The following PCCA variants were observed in gnomAD, a reference collection of about 807,000 sequenced individuals.
The protein encoded by PCCA is propionyl-CoA carboxylase subunit alpha.
A neutral mutation model predicts 101.3 loss-of-function variants in PCCA; 74 were observed. That is an observed-to-expected ratio of 0.73 (90% CI 0.61 to 0.89). The LOEUF is 0.89. Among genes scored for constraint, PCCA ranks in the 40% least tolerant of loss-of-function variants. PCCA has a pLI of 0.00. For synonymous variants in PCCA, 294 were observed against 313.6 expected, an observed-to-expected ratio of 0.94 and a Z score of 0.66; for missense variants, 891 against 907.0, an observed-to-expected ratio of 0.98 and a Z score of 0.23.
chr13:100,167,429 A>G (rs1391385091), intron 6 of PCCA, among the ~76,000 whole-genome samples: 1 of 152,148 alleles, frequency 6.6e-6, no homozygotes, highest in Non-Finnish European at 1.5e-5. Context: ...ATGCAGCTGT[A>G]GTCCTAGCTG....
chr13:100,473,669 G>A (rs1162963198), intron 21 of PCCA, among the ~76,000 whole-genome samples: 2 of 152,256 alleles, frequency 1.3e-5, no homozygotes, highest in Non-Finnish European at 1.5e-5. Context: ...ATGAAAGGTC[G>A]GGGTCGGTGA....
chr13:100,309,792 AAT>A (rs146754385), intron 15 of PCCA, 39 bp from the exon 16 acceptor site: 1,534 of 1,169,296 alleles, frequency 1.3e-3, no homozygotes, highest in Middle Eastern at 1.7e-3. Context: ...CATAGTTCTA[AAT>A]ATATATATAT....
chr13:100,115,210 G>C (rs2048692019), intron 4 of PCCA, among the ~76,000 whole-genome samples: 1 of 152,056 alleles, frequency 6.6e-6, no homozygotes, highest in Non-Finnish European at 1.5e-5. Context: ...ATTTGTGGGA[G>C]CTAAAAATGA....
At chr13:100,421,231 A>G (rs893761295) in intron 19 of PCCA, among the ~76,000 whole-genome samples, 3 of 152,058 alleles carry the variant, frequency 2.0e-5, no homozygotes, top group African/African-American at 7.3e-5. Flanking sequence ...AATGTACTGT[A>G]TGTATATATG....
intron 21 of PCCA, among the ~76,000 whole-genome samples, chr13:100,463,510 A>G (rs2082314358): frequency 6.6e-6 from 1 of 152,146 alleles, no homozygotes; most frequent in Admixed American, 6.5e-5. Flanking sequence ...GAGGAAAAAC[A>G]GGAAGAAGAG....
At chr13:100,418,171 G>A (rs1238302296) in intron 19 of PCCA, among the ~76,000 whole-genome samples, 2 of 152,086 alleles carry the variant, frequency 1.3e-5, no homozygotes, top group Admixed American at 1.3e-4. Flanking sequence ...ACCCTTAACT[G>A]CTCACTCCTT....
At chr13:100,107,304 C>T (rs1004175585) in intron 2 of PCCA, among the ~76,000 whole-genome samples, 22 of 152,152 alleles carry the variant, frequency 1.4e-4, no homozygotes, top group Admixed American at 1.2e-3. Flanking sequence ...GAAGATTTAA[C>T]TTATGGTAGC....
At chr13:100,396,225 G>A (rs1419415503) in intron 19 of PCCA, among the ~76,000 whole-genome samples, 1 of 152,156 alleles carries the variant, frequency 6.6e-6, no homozygotes, top group Admixed American at 6.6e-5. Flanking sequence ...GGGTCACGAG[G>A]CAGGTGGACT....
chr13:100,299,400 T>C (rs2065878169), intron 12 of PCCA, among the ~76,000 whole-genome samples: 1 of 152,250 alleles, frequency 6.6e-6, no homozygotes, highest in Non-Finnish European at 1.5e-5. Flanking sequence ...TACATAATTG[T>C]ATAGCCATTG....
intron 8 of PCCA, among the ~76,000 whole-genome samples, chr13:100,241,604 A>G (rs2061141915): frequency 1.3e-5 from 2 of 151,976 alleles, no homozygotes; most frequent in South Asian, 4.2e-4. Context: ...CTGAGTAGCT[A>G]GGACTACAGG....
chr13:100,362,441 A>G (rs2152803248), intron 18 of PCCA, among the ~76,000 whole-genome samples: 1 of 152,306 alleles, frequency 6.6e-6, no homozygotes, highest in Middle Eastern at 3.4e-3. Context: ...TAAGCAGCAT[A>G]TGGGTTAGGC....
chr13:100,357,761 G>A (rs1038368818), intron 18 of PCCA, among the ~76,000 whole-genome samples: 1 of 152,162 alleles, frequency 6.6e-6, no homozygotes, highest in Non-Finnish European at 1.5e-5. Context: ...CATGCATTAA[G>A]GCATGGCTGT....
chr13:100,285,568 T>C (rs1344852250), intron 12 of PCCA, among the ~76,000 whole-genome samples: 1 of 152,186 alleles, frequency 6.6e-6, no homozygotes, highest in Non-Finnish European at 1.5e-5. Context: ...TCTGGACTAC[T>C]CATGATGTAA....
chr13:100,431,922 G>T (rs2152902774), intron 20 of PCCA, among the ~76,000 whole-genome samples: 1 of 151,952 alleles, frequency 6.6e-6, no homozygotes, highest in Middle Eastern at 3.4e-3. Flanking sequence ...GGGTGTGGTG[G>T]CTTAAGCCTG....
intron 17 of PCCA, among the ~76,000 whole-genome samples, chr13:100,336,327 C>A (rs1235820842): frequency 1.3e-5 from 2 of 152,090 alleles, no homozygotes; most frequent in South Asian, 4.1e-4. Context: ...TGGGAACCAG[C>A]GCGTAGCTGT....
chr13:100,335,984 C>T (rs568289540), intron 17 of PCCA, among the ~76,000 whole-genome samples: 2 of 152,224 alleles, frequency 1.3e-5, no homozygotes, highest in African/African-American at 4.8e-5. Context: ...ACACTGTGGC[C>T]GGGCACGGTG....
intron 6 of PCCA, among the ~76,000 whole-genome samples, chr13:100,208,870 G>A (rs2059032793): frequency 6.6e-6 from 1 of 152,254 alleles, no homozygotes; most frequent in Non-Finnish European, 1.5e-5. Context: ...TTGATATCCT[G>A]TTGTCTTCAT....
intron 4 of PCCA, among the ~76,000 whole-genome samples, chr13:100,138,838 G>C (rs2051493541): frequency 6.7e-6 from 1 of 150,320 alleles, no homozygotes; most frequent in Non-Finnish European, 1.5e-5. Flanking sequence ...GGGAGGCTGA[G>C]GCAGGAGAAA....
chr13:100,332,562 G>GTA (rs2069794056), intron 17 of PCCA, among the ~76,000 whole-genome samples: 2 of 152,126 alleles, frequency 1.3e-5, no homozygotes, highest in African/African-American at 4.8e-5. Flanking sequence ...CTATATGTAT[G>GTA]TATGGTGAAG....
Sources: allele counts gnomAD v4.1 joint callset (sites outside exome capture counted in the v4.1 genomes callset), GRCh38; gene constraint gnomAD v4.1.1; transcripts MANE v1.5; gene names NCBI Gene and HGNC (gene_info 2026-07-23, HGNC 2026-07-21).